DOCK2: variants seen among roughly 807,000 people sequenced by gnomAD.
DOCK2 encodes dedicator of cytokinesis 2.
DOCK2 carries 87 observed loss-of-function variants against 248.9 expected under a neutral mutation model. The ratio of observed to expected loss-of-function variants is 0.35; its 90% CI spans 0.29 to 0.42. The LOEUF (loss-of-function observed/expected upper bound fraction) is 0.42, where lower values mean the gene tolerates loss of function less well. Ranked by LOEUF, DOCK2 falls within the 10% of genes least tolerant of loss-of-function variation. The pLI, the probability that DOCK2 is intolerant of heterozygous loss-of-function variation, is 1.00. For missense variants in DOCK2, 1,747 were observed against 2,300.2 expected, an observed-to-expected ratio of 0.76 and a Z score of 4.92; for synonymous variants, 805 against 821.6, an observed-to-expected ratio of 0.98 and a Z score of 0.35.
intron 27 of DOCK2, among the ~76,000 whole-genome samples, chr5:169,909,189 G>A (rs1461408038): frequency 2.6e-5 from 4 of 152,200 alleles, no homozygotes; most frequent in Non-Finnish European, 5.9e-5. Context: ...GTGCTGTCCA[G>A]TATGGGAACC....
At chr5:169,874,484 T>C (rs1581335829) in intron 27 of DOCK2, among the ~76,000 whole-genome samples, 1 of 146,094 alleles carries the variant, frequency 6.8e-6, no homozygotes, top group African/African-American at 2.5e-5. Flanking sequence ...CGGGTGGTGG[T>C]GGCAGATTCT....
chr5:170,007,980 G>T (rs1312703964), intron 30 of DOCK2, among the ~76,000 whole-genome samples: 2 of 152,130 alleles, frequency 1.3e-5, no homozygotes, highest in Admixed American at 1.3e-4. Flanking sequence ...CAACTAAGGG[G>T]AAAGTAAAGG....
chr5:170,010,531 C>A (rs1755245509), intron 32 of DOCK2, among the ~76,000 whole-genome samples: 1 of 152,230 alleles, frequency 6.6e-6, no homozygotes, highest in Non-Finnish European at 1.5e-5. Flanking sequence ...AAGACAGTCA[C>A]TGTTCCTCTC....
At chr5:169,646,126 A>G (rs2113120369) in intron 1 of DOCK2, among the ~76,000 whole-genome samples, 1 of 152,316 alleles carries the variant, frequency 6.6e-6, no homozygotes, top group Non-Finnish European at 1.5e-5. Context: ...TGTAAGATAT[A>G]AGGAAGGGGT....
At chr5:169,853,992 T>C (rs1387089447) in intron 27 of DOCK2, among the ~76,000 whole-genome samples, 1 of 150,864 alleles carries the variant, frequency 6.6e-6, no homozygotes, top group African/African-American at 2.4e-5. Flanking sequence ...CCCACCACCA[T>C]GCTGGGCTAA....
chr5:169,859,374 G>A (rs1042665381), intron 27 of DOCK2, among the ~76,000 whole-genome samples: 9 of 152,176 alleles, frequency 5.9e-5, no homozygotes, highest in Admixed American at 5.2e-4. Context: ...TCAAAAATGG[G>A]ATTATGTTCA....
rs377669202 is a variant in DOCK2 at position 169,928,834 on chromosome 5, C to G, written c.2800-54234C>G. 3.2e-4 allele frequency among the ~76,000 whole-genome samples: 49 copies of G among 152,324 alleles called. 1 individual carries two copies. Among genetic ancestry groups the G allele is most frequent in the South Asian group, 1.9e-3 (9 of 4,826 alleles). ...AGGTTAAATACTACACAAGTAATTACTCAGTGATGAAAATTATTAATTGTG... is the reference window on the plus strand; with the variant it reads ...AGGTTAAATACTACACAAGTAATTAGTCAGTGATGAAAATTATTAATTGTG... On this transcript the variant is annotated intron_variant, in intron 27 of 51. Transcript: ENST00000520908.
At chr5:169,645,006 G>A (rs1241830119) in intron 1 of DOCK2, among the ~76,000 whole-genome samples, 1 of 152,090 alleles carries the variant, frequency 6.6e-6, no homozygotes, top group Admixed American at 6.5e-5. Flanking sequence ...AGTATTCCAT[G>A]GTATATATGT....
chr5:169,987,717 C>A (rs1778103395), intron 29 of DOCK2, among the ~76,000 whole-genome samples: 1 of 152,168 alleles, frequency 6.6e-6, no homozygotes, highest in South Asian at 2.1e-4. Flanking sequence ...TTTCTTTATA[C>A]CTAGAAAATT....
chr5:169,984,681 AC>A (rs1327995531), intron 28 of DOCK2, among the ~76,000 whole-genome samples: 1 of 152,166 alleles, frequency 6.6e-6, no homozygotes, highest in Non-Finnish European at 1.5e-5. Flanking sequence ...ACACAATTCC[AC>A]CAGAGCTGTT....
chr5:169,839,809 C>T (rs956989178), intron 26 of DOCK2, among the ~76,000 whole-genome samples: 1 of 152,150 alleles, frequency 6.6e-6, no homozygotes, highest in Non-Finnish European at 1.5e-5. Context: ...GCTCCAGAAA[C>T]ACTGCCTCCT....
chr5:169,727,763 GA>G (rs1156521753), intron 22 of DOCK2, among the ~76,000 whole-genome samples: 1 of 152,104 alleles, frequency 6.6e-6, no homozygotes, highest in African/African-American at 2.4e-5. Flanking sequence ...AGCATCTATT[GA>G]GTTTTGTGCT....
chr5:169,908,163 A>G (rs888841609), intron 27 of DOCK2, among the ~76,000 whole-genome samples: 1 of 152,182 alleles, frequency 6.6e-6, no homozygotes, highest in Non-Finnish European at 1.5e-5. Flanking sequence ...GCCAGAAAGG[A>G]ATTCATTAAT....
At chr5:170,045,035 G>A (rs949441316) in intron 38 of DOCK2, among the ~76,000 whole-genome samples, 2 of 151,916 alleles carry the variant, frequency 1.3e-5, no homozygotes, top group Non-Finnish European at 2.9e-5. Flanking sequence ...TATGTCTAGG[G>A]TTTCTTTGTT....
At chr5:169,951,031 G>A (rs969356640) in intron 27 of DOCK2, among the ~76,000 whole-genome samples, 17 of 152,188 alleles carry the variant, frequency 1.1e-4, no homozygotes, top group African/African-American at 3.1e-4. Flanking sequence ...ATTAGCCAGC[G>A]TCACCGGTCC....
At chr5:169,887,983 G>T (rs192567197) in intron 27 of DOCK2, among the ~76,000 whole-genome samples, 8 of 152,186 alleles carry the variant, frequency 5.3e-5, no homozygotes, top group Non-Finnish European at 8.8e-5. Context: ...GAATTTATAT[G>T]AGTGGACATT....
chr5:169,960,207 A>G (rs979679693), intron 27 of DOCK2, among the ~76,000 whole-genome samples: 4 of 152,214 alleles, frequency 2.6e-5, no homozygotes, highest in Non-Finnish European at 5.9e-5. Context: ...CAGAGGAGGA[A>G]ATAATGTAGT....
At position 170,008,617 on chromosome 5, in the gene DOCK2, T is replaced by G. The variant is rs1233272012; in HGVS notation, c.3173+20T>G. The G allele has an allele frequency of 1.9e-6, 3 of 1,613,952 alleles. No individual in the cohort carries two copies. Among genetic ancestry groups the G allele is most frequent in the Non-Finnish European group, 2.5e-6 (3 of 1,179,976 alleles). ...GAATAAGTAGGTTGCATTTTTGGATTTCCTGAAGAGGGGGAGGTCCATGAG... is the reference window on the plus strand; with the variant it reads ...GAATAAGTAGGTTGCATTTTTGGATGTCCTGAAGAGGGGGAGGTCCATGAG... On this transcript the variant is annotated intron_variant, in intron 31 of 51. Coordinates refer to ENST00000520908, the MANE Select transcript of DOCK2 (RefSeq NM_004946.3).
chr5:169,845,835 GA>G (rs1770270924), intron 27 of DOCK2, among the ~76,000 whole-genome samples: 1 of 152,212 alleles, frequency 6.6e-6, no homozygotes, highest in Admixed American at 6.5e-5. Flanking sequence ...ACTAGGAGCA[GA>G]AATGTACCTG....
Sources: gnomAD v4.1 joint callset for allele counts (sites outside exome capture counted in the v4.1 genomes callset) on GRCh38, gnomAD v4.1.1 for gene constraint, MANE v1.5 for transcripts, NCBI Gene and HGNC (gene_info 2026-07-23, HGNC 2026-07-21) for gene names.